CSPP1: variants seen among roughly 807,000 people sequenced by gnomAD.
CSPP1 encodes centrosome and spindle pole associated protein 1, also known as centrosome and spindle pole-associated protein 1.
A neutral mutation model predicts 164.4 loss-of-function variants in CSPP1; 126 were observed. That is an observed-to-expected ratio of 0.77 (90% CI 0.66 to 0.89). The LOEUF (loss-of-function observed/expected upper bound fraction) is 0.89, where lower values mean the gene tolerates loss of function less well. CSPP1 is among the 40% of genes least tolerant of loss of function. CSPP1 has a pLI of 0.00. For missense variants in CSPP1, 1,395 were observed against 1,449.8 expected, an observed-to-expected ratio of 0.96 and a Z score of 0.61; for synonymous variants, 472 against 476.7, an observed-to-expected ratio of 0.99 and a Z score of 0.13.
intron 15 of CSPP1, among the ~76,000 whole-genome samples, chr8:67,128,747 A>G (rs147920538): frequency 2.7e-4 from 41 of 152,324 alleles, no homozygotes; most frequent in African/African-American, 9.6e-4. Context: ...ACCTCAAAGT[A>G]TAGAGAAAGG....
chr8:67,195,800 T>C lies in CSPP1; in HGVS notation c.*207T>C. 1 of 529,906 alleles carries C rather than the reference T, an allele frequency of 1.9e-6. No homozygotes were observed. Among genetic ancestry groups the C allele is most frequent in the Non-Finnish European group, 3.4e-6 (1 of 296,110 alleles). 32.8% of individuals were successfully genotyped at this position (529,906 alleles called of 1,614,324 possible). ...TTATATAATAGAATTGTATAGATTA[T>C]TTTTGCACAGTTTTGTCATAAATTA... is the stretch of plus-strand genomic sequence containing the variant. On this transcript the variant is annotated 3_prime_UTR_variant, in exon 31 of 31. Coordinates refer to ENST00000678616, the MANE Select transcript of CSPP1 (RefSeq NM_001382391.1).
chr8:67,195,717 A>C lies in CSPP1; in HGVS notation c.*124A>C, dbSNP rs988656315. On this transcript the variant is annotated 3_prime_UTR_variant, in exon 31 of 31. Coordinates refer to ENST00000678616, the MANE Select transcript of CSPP1 (RefSeq NM_001382391.1). ...ACTTTTTTTCCATCATCTGTATATA[A>C]AATTATTTTTATCATGATGTATATT... The C allele has an allele frequency of 1.0e-5, 7 of 692,782 alleles. No individual in the cohort carries two copies. The highest frequency in any genetic ancestry group is 5.7e-5 in the Admixed American group (2 of 34,794). The allele number at this position is 692,782 out of a possible 1,614,324, so 42.9% of individuals were successfully genotyped here.
intron 12 of CSPP1, chr8:67,115,199 T>C (rs1296514281): frequency 6.6e-6 from 1 of 152,250 alleles, no homozygotes; most frequent in East Asian, 1.9e-4. Context: ...TTTTACAGAA[T>C]ACTATAACAG....
intron 22 of CSPP1, 81 bp from the exon 23 acceptor site, chr8:67,163,651 A>C: frequency 9.7e-7 from 1 of 1,025,700 alleles, no homozygotes; most frequent in Non-Finnish European, 1.5e-6. Context: ...TTTACATATA[A>C]ATACTTCAAA....
intron 7 of CSPP1, among the ~76,000 whole-genome samples, chr8:67,101,254 A>C (rs921947103): frequency 6.6e-6 from 1 of 152,164 alleles, no homozygotes; most frequent in Non-Finnish European, 1.5e-5. Flanking sequence ...AAGAAAAGCA[A>C]ATGTTTAGCA....
chr8:67,089,828 A>C (rs1017328594), intron 4 of CSPP1, among the ~76,000 whole-genome samples: 1 of 151,808 alleles, frequency 6.6e-6, no homozygotes, highest in Non-Finnish European at 1.5e-5. Flanking sequence ...GGTAATAAAA[A>C]AAAGTTTTTT....
chr8:67,101,560 G>A (rs1814119683), intron 7 of CSPP1, among the ~76,000 whole-genome samples: 1 of 152,188 alleles, frequency 6.6e-6, no homozygotes, highest in African/African-American at 2.4e-5. Context: ...ACACTAAACT[G>A]ATGTGTCATT....
In CSPP1 at chr8:67,114,312, C is replaced by T. The variant is rs1287240559; in HGVS notation, c.1246-17C>T. ...TAATCTTATTTTTACTTTAATTTTGCAATTCTCATCATTAAGTGGAATGAA... is the reference window on the plus strand; with the variant it reads ...TAATCTTATTTTTACTTTAATTTTGTAATTCTCATCATTAAGTGGAATGAA... On this transcript the variant is annotated splice_polypyrimidine_tract_variant and intron_variant, in intron 11 of 30. Coordinates refer to ENST00000678616, the MANE Select transcript of CSPP1 (RefSeq NM_001382391.1). The T allele has an allele frequency of 2.0e-5, 3 of 152,598 alleles. No individual in the cohort carries two copies. Among genetic ancestry groups the T allele is most frequent in the Non-Finnish European group, 4.4e-5 (3 of 68,112 alleles). The allele number at this position is 152,598 out of a possible 1,614,324, so 9.5% of individuals were successfully genotyped here.
At chr8:67,157,834 T>C (rs907980173) in intron 19 of CSPP1, 7 of 152,162 alleles carry the variant, frequency 4.6e-5, no homozygotes, top group African/African-American at 1.7e-4. Context: ...AGACTCCAGG[T>C]AGCATTCAAG....
intron 29 of CSPP1, among the ~76,000 whole-genome samples, chr8:67,191,922 A>T (rs1836361585): frequency 6.6e-6 from 1 of 151,974 alleles, no homozygotes; most frequent in Non-Finnish European, 1.5e-5. Context: ...GTGTCTTTTG[A>T]TTTTAGCCAT....
intron 22 of CSPP1, among the ~76,000 whole-genome samples, chr8:67,163,496 G>A (rs559817060): frequency 1.8e-4 from 28 of 152,134 alleles, no homozygotes; most frequent in Admixed American, 1.1e-3. Context: ...GTAGAGGCAA[G>A]GACACTTCCA....
chr8:67,110,879 T>G (rs1017946881), intron 9 of CSPP1, among the ~76,000 whole-genome samples: 7 of 147,786 alleles, frequency 4.7e-5, no homozygotes, highest in African/African-American at 7.8e-5. Flanking sequence ...TGTTGTTGTT[T>G]ATTTGTTTTT....
chr8:67,064,424 C>A lies in CSPP1; in HGVS notation c.-125C>A, dbSNP rs1409280084. 1.2e-6 allele frequency: 2 copies of A among 1,613,822 alleles called. No homozygotes were observed. Among genetic ancestry groups the A allele is most frequent in the African/African-American group, 2.7e-5 (2 of 74,934 alleles). On this transcript the variant is annotated 5_prime_UTR_variant, in exon 1 of 31. It adds an upstream start codon to the 5' untranslated region. Transcript: ENST00000678616. Reference sequence around the variant, plus strand: ...ATGCTGTTCCCGCTCCAGGTGGCCGCTGTAACCTCTTCGGTCCGCGACGAT... The same window carrying A: ...ATGCTGTTCCCGCTCCAGGTGGCCGATGTAACCTCTTCGGTCCGCGACGAT...
At position 67,076,529 on chromosome 8, in the gene CSPP1, T is replaced by C. The variant is rs776584930; in HGVS notation, c.147T>C (p.Ser49=). 1.9e-6 allele frequency: 3 copies of C among 1,604,686 alleles called. No homozygotes were observed. Among genetic ancestry groups the C allele is most frequent in the Non-Finnish European group, 2.6e-6 (3 of 1,175,760 alleles). Residue 49 remains serine, a synonymous_variant, in exon 3 of 31, where the codon TCT becomes TCC. Coordinates refer to ENST00000678616, the MANE Select transcript of CSPP1 (RefSeq NM_001382391.1). ...KLSENSKILI[S]MAKENIPPNS... ...CTGAAAACAGTAAGATACTGATCTC[T>C]ATGGCTAAGGAAAACATACCACCAA...
Position 67,086,069 on chromosome 8 carries a change from AAAG to A in CSPP1, c.268_270del (p.Glu90del), listed in dbSNP as rs764309295. 3.9e-6 allele frequency: 6 copies of A among 1,522,532 alleles called. No homozygotes were observed. Among genetic ancestry groups the A allele is most frequent in the Admixed American group, 1.7e-5 (1 of 59,880 alleles). 94.3% of individuals were successfully genotyped at this position (1,522,532 alleles called of 1,614,324 possible). On this transcript the variant is annotated inframe_deletion, in exon 4 of 31. Transcript: ENST00000678616. ...CTATGAACGGAAGAAACATAAATTAAAAGAAGAATTGCGGCAAGATTACAGACG... is the reference window on the plus strand; with the variant it reads ...CTATGAACGGAAGAAACATAAATTAAAAGAATTGCGGCAAGATTACAGACG...
intron 27 of CSPP1, 134 bp downstream of exon 27, chr8:67,177,860 T>A: frequency 1.4e-6 from 1 of 723,802 alleles, no homozygotes; most frequent in Middle Eastern, 3.4e-4. Context: ...ATCAGTAAAG[T>A]GGATAGCTTG....
Position 67,164,476 on chromosome 8 carries a change from A to G in CSPP1, c.2796A>G (p.Leu932=). 3 of 1,587,752 alleles carry G rather than the reference A, an allele frequency of 1.9e-6. No individual in the cohort carries two copies. The highest frequency in any genetic ancestry group is 3.3e-5 in the Admixed American group (2 of 59,878). The part of the protein sequence containing the change: ...SEERRLQERL[L]HMDSDDEIPI... ...AGAGGCGTCTACAAGAGCGATTGCTACACATGGACAGTGATGATGAAATTC... is the reference window on the plus strand; with the variant it reads ...AGAGGCGTCTACAAGAGCGATTGCTGCACATGGACAGTGATGATGAAATTC... The change falls in exon 24 of 31, where the codon CTA becomes CTG. Residue 932 remains leucine, a synonymous_variant. Coordinates refer to ENST00000678616, the MANE Select transcript of CSPP1 (RefSeq NM_001382391.1).
At position 67,148,929 on chromosome 8, in the gene CSPP1, T is replaced by A. The variant is rs1215320344; in HGVS notation, c.1976-854T>A. On this transcript the variant is annotated intron_variant, in intron 17 of 30. Transcript: ENST00000678616. ...TAACCCAAAACTTGGTGTTTTAGCA[T>A]GATAAACAGTTATTATCTTGCGGTT... 2.0e-5 allele frequency among the ~76,000 whole-genome samples: 3 copies of A among 152,250 alleles called. No individual in the cohort carries two copies. The East Asian group carries it at 5.8e-4, about 29-fold the overall frequency.
At chr8:67,082,853 C>T (rs1051344646) in intron 3 of CSPP1, among the ~76,000 whole-genome samples, 1 of 152,086 alleles carries the variant, frequency 6.6e-6, no homozygotes, top group Non-Finnish European at 1.5e-5. Flanking sequence ...CTTCAAATGA[C>T]CCTAAAATGA....
Sources: allele counts gnomAD v4.1 joint callset (sites outside exome capture counted in the v4.1 genomes callset), GRCh38; gene constraint gnomAD v4.1.1; transcripts MANE v1.5; gene names NCBI Gene and HGNC (gene_info 2026-07-23, HGNC 2026-07-21).